The following CALCR variants were observed in gnomAD, a reference collection of about 807,000 sequenced individuals.
The protein encoded by CALCR is calcitonin receptor.
CALCR carries 47 observed loss-of-function variants against 59.5 expected under a neutral mutation model. The observed-to-expected ratio is 0.79, with a 90% confidence interval of 0.63 to 1.01. The LOEUF (loss-of-function observed/expected upper bound fraction) is 1.01. Among genes scored for constraint, CALCR ranks in the 50% least tolerant of loss-of-function variants. CALCR has a pLI of 0.00. For synonymous variants in CALCR, 213 were observed against 211.3 expected, an observed-to-expected ratio of 1.01 and a Z score of -0.07; for missense variants, 566 against 597.1, an observed-to-expected ratio of 0.95 and a Z score of 0.54.
At chr7:93,478,106 T>G (rs2115883121) in intron 4 of CALCR, among the ~76,000 whole-genome samples, 1 of 151,574 alleles carries the variant, frequency 6.6e-6, no homozygotes, top group African/African-American at 2.4e-5. Flanking sequence ...AAAAGAGCTC[T>G]CAGAAAACCC....
At chr7:93,495,500 C>T (rs1361842416) in intron 2 of CALCR, among the ~76,000 whole-genome samples, 1 of 151,248 alleles carries the variant, frequency 6.6e-6, no homozygotes, top group Admixed American at 6.6e-5. Context: ...ACTTAAAGTG[C>T]CCTACTCGCG....
intron 2 of CALCR, among the ~76,000 whole-genome samples, chr7:93,489,314 A>C (rs1272300975): frequency 7.2e-5 from 11 of 151,970 alleles, no homozygotes; most frequent in Non-Finnish European, 1.3e-4. Flanking sequence ...ACAAAGCTGC[A>C]AAGATCTCAA....
intron 2 of CALCR, among the ~76,000 whole-genome samples, chr7:93,538,991 C>T (rs1789060246): frequency 6.6e-6 from 1 of 152,052 alleles, no homozygotes. Context: ...GAAGAAATTC[C>T]ACTCTATTCT....
intron 6 of CALCR, among the ~76,000 whole-genome samples, chr7:93,469,846 A>ATGAAG (rs1431314326): frequency 1.3e-5 from 2 of 151,376 alleles, no homozygotes; most frequent in African/African-American, 4.9e-5. Context: ...AATACCTTCT[A>ATGAAG]TGAAGTTCTT....
At chr7:93,558,853 C>T (rs574503247) in intron 2 of CALCR, among the ~76,000 whole-genome samples, 40 of 152,180 alleles carry the variant, frequency 2.6e-4, no homozygotes, top group Middle Eastern at 3.4e-3. Context: ...CCAACAGCAA[C>T]AAAATGACCT....
intron 2 of CALCR, among the ~76,000 whole-genome samples, chr7:93,508,770 G>C (rs6949752): frequency 0.12 from 18,212 of 152,026 alleles, 2,367 homozygotes; most frequent in African/African-American, 0.31. Flanking sequence ...ACAACCCTCA[G>C]AGAAAAGCAG....
At chr7:93,444,507 T>C (rs1393386385) in intron 8 of CALCR, among the ~76,000 whole-genome samples, 1 of 152,128 alleles carries the variant, frequency 6.6e-6, no homozygotes, top group Non-Finnish European at 1.5e-5. Flanking sequence ...ATTAGCATTT[T>C]GGAGTAGATT....
intron 7 of CALCR, among the ~76,000 whole-genome samples, chr7:93,463,175 C>A (rs1033629041): frequency 6.6e-6 from 1 of 151,768 alleles, no homozygotes; most frequent in African/African-American, 2.4e-5. Flanking sequence ...AACTAGCTAA[C>A]ATGGAACATT....
At chr7:93,487,064 T>C (rs1390736373) in intron 2 of CALCR, 57 bp from the exon 3 acceptor site, 2 of 883,906 alleles carry the variant, frequency 2.3e-6, no homozygotes, top group Admixed American at 4.6e-5. Context: ...ATATTGGCTA[T>C]GGCATTTCAT....
chr7:93,491,470 A>G (rs1388562559), intron 2 of CALCR, among the ~76,000 whole-genome samples: 3 of 152,106 alleles, frequency 2.0e-5, no homozygotes, highest in African/African-American at 7.2e-5. Context: ...TGAACCAGCA[A>G]TCTACAGAAT....
chr7:93,547,906 G>C (rs1789335312), intron 2 of CALCR, among the ~76,000 whole-genome samples: 1 of 152,100 alleles, frequency 6.6e-6, no homozygotes, highest in Non-Finnish European at 1.5e-5. Flanking sequence ...GGACTGTGCT[G>C]ATTGCTTAAG....
intron 2 of CALCR, among the ~76,000 whole-genome samples, chr7:93,561,025 G>A (rs192971792): frequency 6.6e-6 from 1 of 152,176 alleles, no homozygotes; most frequent in African/African-American, 2.4e-5. Flanking sequence ...TACAATCCAC[G>A]AAATAATCCT....
chr7:93,518,593 A>G (rs970074304), intron 2 of CALCR, among the ~76,000 whole-genome samples: 52 of 151,918 alleles, frequency 3.4e-4, no homozygotes, highest in African/African-American at 1.1e-3. Flanking sequence ...TTTGAAGGGC[A>G]ATATCTACAA....
chr7:93,544,161 A>G (rs2374660), intron 2 of CALCR, among the ~76,000 whole-genome samples: 43,533 of 151,936 alleles, frequency 0.29, 7,558 homozygotes, highest in Non-Finnish European at 0.39. Context: ...TCCTGCTTAC[A>G]TTGATAAGAA....
chr7:93,573,597 A>G (rs534418844), intron 2 of CALCR, among the ~76,000 whole-genome samples: 1 of 152,300 alleles, frequency 6.6e-6, no homozygotes, highest in African/African-American at 2.4e-5. Context: ...ACTAATCTCA[A>G]TTGTATTGTT....
intron 9 of CALCR, among the ~76,000 whole-genome samples, chr7:93,439,759 C>T (rs543624220): frequency 2.0e-5 from 3 of 152,048 alleles, no homozygotes; most frequent in Admixed American, 2.0e-4. Flanking sequence ...TATAGAAGTC[C>T]ATGGGGGAAA....
chr7:93,481,973 T>C (rs1019938988), intron 3 of CALCR, among the ~76,000 whole-genome samples: 2 of 151,814 alleles, frequency 1.3e-5, no homozygotes, highest in African/African-American at 4.8e-5. Flanking sequence ...CTGAATAAAA[T>C]AAGTGTAGAC....
In CALCR at chr7:93,497,159, A is replaced by G. The variant is rs948428514; in HGVS notation, c.-26-10152T>C. Among the ~76,000 whole-genome samples the G allele has an allele frequency of 5.3e-5, 8 of 151,580 alleles. No homozygotes were observed. The East Asian group carries it at 7.8e-4, about 15-fold the overall frequency. On this transcript the variant is annotated intron_variant, in intron 2 of 13. Transcript: ENST00000426151. ...GGGTAAACAGTGTGACACACAATGT[A>G]AGAGAAATAATTCAGATGATAGGGG...
intron 2 of CALCR, among the ~76,000 whole-genome samples, chr7:93,507,921 T>C (rs1801461388): frequency 6.7e-6 from 1 of 148,316 alleles, no homozygotes; most frequent in Non-Finnish European, 1.5e-5. Flanking sequence ...AGACTCCATC[T>C]CAAAAAAAAA....
Sources: gnomAD v4.1 joint callset for allele counts (sites outside exome capture counted in the v4.1 genomes callset) on GRCh38, gnomAD v4.1.1 for gene constraint, MANE v1.5 for transcripts, NCBI Gene and HGNC (gene_info 2026-07-23, HGNC 2026-07-21) for gene names.